Variants in COL9A3 observed in about 807,000 individuals in gnomAD.
COL9A3 encodes the protein collagen type IX alpha 3 chain.
In COL9A3, 82 loss-of-function variants were observed where a neutral mutation model predicts 110.2. The ratio of observed to expected loss-of-function variants is 0.74; its 90% CI spans 0.62 to 0.89. The LOEUF (loss-of-function observed/expected upper bound fraction) is 0.89, where lower values mean the gene tolerates loss of function less well. Among genes scored for constraint, COL9A3 ranks in the 40% least tolerant of loss-of-function variants. The probability of loss-of-function intolerance (pLI) is 0.00; values close to 1 mark genes in which losing one functional copy is unlikely to be tolerated. For missense variants in COL9A3, 1,066 were observed against 981.3 expected (o/e 1.09, Z -1.15); for synonymous variants, 494 against 403.8 (o/e 1.22, Z -2.68).
chr20:62,825,385 G>A (rs2147207757), intron 12 of COL9A3: 1 of 334,380 alleles, frequency 3.0e-6, no homozygotes, highest in Non-Finnish European at 5.5e-6. Flanking sequence ...CATCTGTGAG[G>A]ATGGCTGGCT....
At chr20:62,822,747 C>G in intron 10 of COL9A3, 115 bp downstream of exon 10, 1 of 1,151,502 alleles carries the variant, frequency 8.7e-7, no homozygotes, top group Non-Finnish European at 1.3e-6. Context: ...CCCGAGCCCT[C>G]CCTGGGGACA....
chr20:62,817,395 A>C, intron 1 of COL9A3, 172 bp from the exon 2 acceptor site: 1 of 540,204 alleles, frequency 1.9e-6, no homozygotes, highest in Admixed American at 3.9e-5. Flanking sequence ...CGCCGGAGGG[A>C]GGCGGGGGAC....
intron 4 of COL9A3, among the ~76,000 whole-genome samples, chr20:62,819,528 C>T (rs576872687): frequency 6.6e-6 from 1 of 152,364 alleles, no homozygotes; most frequent in African/African-American, 2.4e-5. Context: ...GCCCTCCTTG[C>T]TTGTCCAGGA....
rs1568765610 is a variant in COL9A3 at position 62,837,154 on chromosome 20, G to C, written c.1675G>C (p.Ala559Pro). The C allele has an allele frequency of 1.2e-6, 2 of 1,613,192 alleles. No homozygotes were observed. The highest frequency in any genetic ancestry group is 1.7e-6 in the Non-Finnish European group (2 of 1,179,980). The change falls in exon 30 of 32, where the codon GCT (alanine) becomes CCT (proline). Residue 559 changes from alanine (A) to proline (P), a missense_variant. Ala to Pro is a conservative substitution (Grantham distance 27, BLOSUM62 -1). Coordinates refer to ENST00000649368, the MANE Select transcript of COL9A3 (RefSeq NM_001853.4). ...CGGGTCCATTGGTCGGCCCGGTCCA[G>C]CTGGCCCCCCTGGGCCCCCAGGACC... ...APGSIGRPGP[A>P]GPPGPPGPPG...
rs756083431 is a variant in COL9A3 at position 62,817,849 on chromosome 20, A to G, written c.147+214A>G. ...GGAGGGTGTCATGTGGTGGTCCTCC[A>G]CCCAGAATGCCGGCACTGAGGTGTG... On this transcript the variant is annotated intron_variant, in intron 2 of 31. Transcript: ENST00000649368. 33 of 674,874 alleles carry G rather than the reference A, an allele frequency of 4.9e-5. 1 individual carries two copies. The highest frequency in any genetic ancestry group is 2.4e-4 in the Middle Eastern group (1 of 4,184). The allele number at this position is 674,874 out of a possible 1,614,324, so 41.8% of individuals were successfully genotyped here. A position where few individuals can be genotyped will look rare whatever the true frequency, so the allele number is the denominator to read the frequency against.
chr20:62,835,857 A>G (rs1433918886), intron 26 of COL9A3, 64 bp from the exon 27 acceptor site: 4 of 1,552,674 alleles, frequency 2.6e-6, no homozygotes, highest in African/African-American at 1.4e-5. Flanking sequence ...TTTATCCTCA[A>G]CTGGCTACTT....
At chr20:62,826,154 CG>C (rs1568754510) in intron 13 of COL9A3, 49 bp from the exon 14 acceptor site, 8 of 1,537,162 alleles carry the variant, frequency 5.2e-6, no homozygotes, top group African/African-American at 1.4e-5. Context: ...GGGTGCTCCC[CG>C]GGGTGGAGGT....
intron 10 of COL9A3, among the ~76,000 whole-genome samples, chr20:62,823,909 A>G (rs2063529352): frequency 6.6e-6 from 1 of 152,194 alleles, no homozygotes; most frequent in South Asian, 2.1e-4. Context: ...CCCCTGCTGC[A>G]CTTGGCCAGT....
chr20:62,825,969 G>A, intron 13 of COL9A3, 99 bp downstream of exon 13: 3 of 1,370,390 alleles, frequency 2.2e-6, no homozygotes, highest in Non-Finnish European at 3.0e-6. Context: ...AGCTCCGGCT[G>A]GGGGGTGTTT....
At chr20:62,837,343 G>A (rs1457225988) in intron 30 of COL9A3, 78 bp downstream of exon 30, 3 of 1,470,092 alleles carry the variant, frequency 2.0e-6, no homozygotes, top group East Asian at 2.4e-5. Context: ...CGCTGCTTCT[G>A]GTGCCTGCCA....
chr20:62,824,916 G>A, intron 11 of COL9A3, 52 bp from the exon 12 acceptor site: 6 of 1,562,452 alleles, frequency 3.8e-6, no homozygotes, highest in Non-Finnish European at 5.2e-6. Context: ...TGTTGCCAGG[G>A]AGGGGGTGTC....
At position 62,832,275 on chromosome 20, in the gene COL9A3, T is replaced by C. The variant is rs895060807; in HGVS notation, c.1323+86T>C. On this transcript the variant is annotated intron_variant, in intron 25 of 31. Coordinates refer to ENST00000649368, the MANE Select transcript of COL9A3 (RefSeq NM_001853.4). ...GCTCCTCCTGTCCCGGCTCTGGCCC[T>C]GGCTGTGTTTTCGGGACACTGAGCC... is the stretch of plus-strand genomic sequence containing the variant. The C allele has an allele frequency of 6.4e-6, 9 of 1,414,128 alleles. No individual in the cohort carries two copies. The African/African-American group carries it at 1.3e-4, about 20-fold the overall frequency. 87.6% of individuals were successfully genotyped at this position (1,414,128 alleles called of 1,614,324 possible).
At chr20:62,834,803 C>T (rs906304892) in intron 26 of COL9A3, among the ~76,000 whole-genome samples, 6 of 152,136 alleles carry the variant, frequency 3.9e-5, no homozygotes, top group African/African-American at 1.2e-4. Flanking sequence ...CCATCACACC[C>T]GGCTAATTTT....
chr20:62,828,752 C>A lies in COL9A3; in HGVS notation c.901-12C>A. 1 of 1,612,660 alleles carries A rather than the reference C, an allele frequency of 6.2e-7. No homozygotes were observed. ...CACTGCCCGACGGGCCTTACTCATCCCTTGTCCCCAGGGCATGCCGGGCAA... is the reference window on the plus strand; with the variant it reads ...CACTGCCCGACGGGCCTTACTCATCACTTGTCCCCAGGGCATGCCGGGCAA... On this transcript the variant is annotated splice_polypyrimidine_tract_variant and intron_variant, in intron 17 of 31. Coordinates refer to ENST00000649368, the MANE Select transcript of COL9A3 (RefSeq NM_001853.4).
intron 5 of COL9A3, among the ~76,000 whole-genome samples, 156 bp downstream of exon 5, chr20:62,820,138 A>C (rs1420098705): frequency 1.3e-5 from 2 of 152,166 alleles, no homozygotes; most frequent in Non-Finnish European, 2.9e-5. Context: ...GCAGGGTGCC[A>C]AGTGGCCAGT....
Position 62,826,205 on chromosome 20 carries a change from GC to G in COL9A3, c.691del (p.Arg231GlyfsTer302). On this transcript the variant is annotated frameshift_variant and splice_region_variant, in exon 14 of 32. Transcript: ENST00000649368. LOFTEE classifies it high-confidence loss of function. ...TGCATCTGTGCCTCTCTCTCGCAGG[GC>G]CCCCGGGGATTACGAGGACTGCCAG... ...AGLPGSVGLQ[G>X]PRGLRGLPGP... 4 of 1,560,460 alleles carry G rather than the reference GC, an allele frequency of 2.6e-6. No homozygotes were observed. The highest frequency in any genetic ancestry group is 1.2e-5 in the South Asian group (1 of 84,890).
rs780201717 is a variant in COL9A3 at position 62,829,463 on chromosome 20, T to C, written c.1017T>C (p.Pro339=). The change falls in exon 20 of 32, where the codon CCT becomes CCC. Residue 339 remains proline (P), a synonymous_variant. Coordinates refer to ENST00000649368, the MANE Select transcript of COL9A3 (RefSeq NM_001853.4). The stretch of plus-strand genomic sequence containing the variant: ...AAGCTCTCTCCTGGCAGGGCCTCCC[T>C]GGACGAGCGGGGTCCAAAGGCGAGA... ...EKGPNGLPGL[P]GRAGSKGEKG... is the part of the protein sequence containing the mutation. 1 of 1,612,048 alleles carries C rather than the reference T, an allele frequency of 6.2e-7. No individual in the cohort carries two copies. The highest frequency in any genetic ancestry group is 1.1e-5 in the South Asian group (1 of 91,050).
At chr20:62,819,726 G>A (rs752095733) in intron 4 of COL9A3, among the ~76,000 whole-genome samples, 4 of 152,172 alleles carry the variant, frequency 2.6e-5, no homozygotes, top group Non-Finnish European at 5.9e-5. Flanking sequence ...CTGGCTTCCC[G>A]CTGGCTGCCC....
At chr20:62,829,305 C>A in intron 19 of COL9A3, 150 bp from the exon 20 acceptor site, 1 of 1,077,876 alleles carries the variant, frequency 9.3e-7, no homozygotes, top group Non-Finnish European at 1.3e-6. Flanking sequence ...GTCAAAGCCG[C>A]ACCTCAGGTC....
Sources: gnomAD v4.1 joint callset for allele counts (sites outside exome capture counted in the v4.1 genomes callset) on GRCh38, gnomAD v4.1.1 for gene constraint, MANE v1.5 for transcripts, NCBI Gene and HGNC (gene_info 2026-07-23, HGNC 2026-07-21) for gene names.